The following CWC27 variants were observed in gnomAD, a reference collection of about 807,000 sequenced individuals.
CWC27 encodes the protein spliceosome-associated protein CWC27 homolog.
A neutral mutation model predicts 63.6 loss-of-function variants in CWC27; 47 were observed. The ratio of observed to expected loss-of-function variants is 0.74; its 90% CI spans 0.58 to 0.94. The LOEUF is 0.94. Among genes scored for constraint, CWC27 ranks in the 40% least tolerant of loss-of-function variants. The pLI is 0.00. For missense variants in CWC27, 495 were observed against 554.3 expected (o/e 0.89, Z 1.07); for synonymous variants, 175 against 179.8 (o/e 0.97, Z 0.22).
intron 13 of CWC27, among the ~76,000 whole-genome samples, chr5:65,003,541 T>A (rs1749771229): frequency 1.3e-5 from 2 of 152,248 alleles, no homozygotes; most frequent in South Asian, 4.1e-4. Context: ...ATTGTCCTTT[T>A]GTTTTCAGGT....
At chr5:64,937,921 C>CTTTTTTTTTTTTTTTTTTTTTTT (rs1211082437) in intron 11 of CWC27, among the ~76,000 whole-genome samples, 3 of 99,302 alleles carry the variant, frequency 3.0e-5, no homozygotes, top group African/African-American at 1.3e-4. Context: ...GCAATCTCTG[C>CTTTTTTTTTTTTTTTTTTTTTTT]TTTTTTTTTT....
intron 13 of CWC27, among the ~76,000 whole-genome samples, chr5:64,979,985 A>AG (rs60453298): frequency 2.3e-3 from 343 of 147,750 alleles, no homozygotes; most frequent in Non-Finnish European, 4.1e-3. Flanking sequence ...AAAAAAAAAA[A>AG]GAGAGAGGGA....
intron 11 of CWC27, among the ~76,000 whole-genome samples, chr5:64,964,945 A>G (rs780146320): frequency 4.6e-5 from 7 of 152,218 alleles, no homozygotes; most frequent in Non-Finnish European, 1.0e-4. Flanking sequence ...AAAAGCTTCA[A>G]AATACATCCA....
At chr5:65,017,826 G>A (rs927795852) in intron 13 of CWC27, among the ~76,000 whole-genome samples, 1 of 152,210 alleles carries the variant, frequency 6.6e-6, no homozygotes, top group Non-Finnish European at 1.5e-5. Flanking sequence ...GTTCTTTAAA[G>A]GAAGCAGACA....
chr5:64,988,437 T>C (rs1045977440), intron 13 of CWC27, among the ~76,000 whole-genome samples: 3 of 152,186 alleles, frequency 2.0e-5, no homozygotes, highest in Admixed American at 1.3e-4. Context: ...AAAAATGTTA[T>C]GTTATAGCAG....
chr5:64,959,568 G>C (rs1748864433), intron 11 of CWC27, among the ~76,000 whole-genome samples: 1 of 152,132 alleles, frequency 6.6e-6, no homozygotes, highest in Non-Finnish European at 1.5e-5. Context: ...GCCCTAATCA[G>C]GGGTAACTGC....
Position 64,800,276 on chromosome 5 carries a change from AT to A in CWC27, c.699del (p.His233GlnfsTer16). On this transcript the variant is annotated frameshift_variant, in exon 8 of 14. Coordinates refer to ENST00000381070, the MANE Select transcript of CWC27 (RefSeq NM_005869.4). LOFTEE classifies it high-confidence loss of function. ...QSMKGKSKSS[H>X]DLLKDDPHLS... ...ATGAAGGGCAAAAGCAAAAGTAGTC[AT>A]GACTTGCTTAAGGATGATCCACATC... The A allele has an allele frequency of 6.2e-7, 1 of 1,612,842 alleles. No individual in the cohort carries two copies. The highest frequency in any genetic ancestry group is 8.5e-7 in the Non-Finnish European group (1 of 1,179,218).
intron 11 of CWC27, among the ~76,000 whole-genome samples, chr5:64,957,812 A>T (rs1210728874): frequency 2.0e-5 from 3 of 152,076 alleles, no homozygotes; most frequent in African/African-American, 7.2e-5. Context: ...AATTATTAGT[A>T]AAAATAAGAC....
chr5:64,783,689 A>AAAGAT, intron 3 of CWC27, 147 bp from the exon 4 acceptor site: 2 of 647,070 alleles, frequency 3.1e-6, no homozygotes, highest in Non-Finnish European at 4.9e-6. Flanking sequence ...AATAACATTG[A>AAAGAT]AAGAATAGTA....
intron 2 of CWC27, among the ~76,000 whole-genome samples, chr5:64,775,383 T>C (rs2112145146): frequency 6.6e-6 from 1 of 152,292 alleles, no homozygotes; most frequent in Non-Finnish European, 1.5e-5. Context: ...CTTGTTTATA[T>C]GGTATTTGAA....
At chr5:64,883,787 G>T (rs1004171268) in intron 10 of CWC27, among the ~76,000 whole-genome samples, 10 of 152,202 alleles carry the variant, frequency 6.6e-5, no homozygotes, top group African/African-American at 2.2e-4. Flanking sequence ...GAGTCCATTT[G>T]TGAAGATAAT....
intron 13 of CWC27, among the ~76,000 whole-genome samples, chr5:65,004,362 C>G (rs1325118140): frequency 7.0e-6 from 1 of 141,918 alleles, no homozygotes; most frequent in African/African-American, 2.6e-5. Context: ...TCATGGTGTC[C>G]CATATGTTGT....
At chr5:64,840,941 G>A (rs1445186307) in intron 10 of CWC27, among the ~76,000 whole-genome samples, 5 of 152,158 alleles carry the variant, frequency 3.3e-5, no homozygotes, top group African/African-American at 4.8e-5. Flanking sequence ...CATTGTGAAG[G>A]TAGAAAAGCA....
intron 13 of CWC27, among the ~76,000 whole-genome samples, chr5:64,992,715 A>T (rs1749559300): frequency 1.4e-5 from 2 of 147,712 alleles, no homozygotes; most frequent in Non-Finnish European, 3.0e-5. Flanking sequence ...TTTTTTTTTT[A>T]ATAGAGACAG....
chr5:64,989,376 T>A (rs1478198230), intron 13 of CWC27, among the ~76,000 whole-genome samples: 1 of 152,240 alleles, frequency 6.6e-6, no homozygotes, highest in Non-Finnish European at 1.5e-5. Flanking sequence ...GATCCTTTTT[T>A]AAAAAACAAA....
At chr5:64,790,122 A>T (rs1245132013) in intron 7 of CWC27, among the ~76,000 whole-genome samples, 1 of 152,028 alleles carries the variant, frequency 6.6e-6, no homozygotes, top group Non-Finnish European at 1.5e-5. Flanking sequence ...TTTTTATTGT[A>T]TCCTTGAGTG....
chr5:64,963,473 A>C (rs1748956801), intron 11 of CWC27, among the ~76,000 whole-genome samples: 1 of 152,230 alleles, frequency 6.6e-6, no homozygotes, highest in Non-Finnish European at 1.5e-5. Context: ...GAAATTACTC[A>C]GAGTATGCTG....
At chr5:64,952,493 C>A (rs1261161821) in intron 11 of CWC27, among the ~76,000 whole-genome samples, 2 of 151,792 alleles carry the variant, frequency 1.3e-5, no homozygotes. Context: ...AGATAGTATA[C>A]AACATGAACA....
chr5:64,984,442 G>A (rs1464339141), intron 13 of CWC27, among the ~76,000 whole-genome samples: 1 of 152,232 alleles, frequency 6.6e-6, no homozygotes, highest in Non-Finnish European at 1.5e-5. Flanking sequence ...CCACTGGTTA[G>A]CTGGAGATGC....
Sources: allele counts gnomAD v4.1 joint callset (sites outside exome capture counted in the v4.1 genomes callset), GRCh38; gene constraint gnomAD v4.1.1; transcripts MANE v1.5; gene names NCBI Gene and HGNC (gene_info 2026-07-23, HGNC 2026-07-21).